EYA1: variants seen among roughly 807,000 people sequenced by gnomAD.
EYA1 encodes EYA transcriptional coactivator and phosphatase 1.
A neutral mutation model predicts 82.0 loss-of-function variants in EYA1; 16 were observed. The ratio of observed to expected loss-of-function variants is 0.20; its 90% confidence interval spans 0.13 to 0.30. EYA1 has a LOEUF of 0.30. EYA1 is among the 10% of genes least tolerant of loss of function. The pLI is 1.00. For missense variants in EYA1, 633 were observed against 730.7 expected (o/e 0.87, Z 1.54); for synonymous variants, 261 against 264.4 (o/e 0.99, Z 0.12).
At chr8:71,244,417 T>G (rs1812831732) in intron 12 of EYA1, among the ~76,000 whole-genome samples, 186 bp downstream of exon 12, 1 of 152,236 alleles carries the variant, frequency 6.6e-6, no homozygotes, top group Middle Eastern at 3.2e-3. Context: ...GATCTAACTC[T>G]GAAAATCAAC....
chr8:71,391,601 TTTTTAA>T (rs1829284797), intron 2 of EYA1, among the ~76,000 whole-genome samples: 1 of 152,062 alleles, frequency 6.6e-6, no homozygotes, highest in African/African-American at 2.4e-5. Context: ...TTTTATTTTA[TTTTTAA>T]TTTTGTTTAG....
chr8:71,312,659 A>G (rs1821473489), intron 7 of EYA1, among the ~76,000 whole-genome samples: 1 of 152,126 alleles, frequency 6.6e-6, no homozygotes, highest in Admixed American at 6.5e-5. Flanking sequence ...GCTGGTCTCA[A>G]ACTCCTGACC....
chr8:71,534,447 T>C (rs148587541), intron 2 of EYA1, among the ~76,000 whole-genome samples: 33 of 152,356 alleles, frequency 2.2e-4, no homozygotes, highest in Non-Finnish European at 4.1e-4. Context: ...TGTAATTGCA[T>C]ACAGTGTGAC....
rs146081509 is a variant in EYA1 at position 71,361,855 on chromosome 8, G to C, written c.-263C>G. ...GGGCAGGCGCCTGGCCGCTGCCGCA[G>C]GCTCGGGCTGCCGAGCGACTGAGCG... On this transcript the variant is annotated 5_prime_UTR_variant, in exon 1 of 18. Coordinates refer to ENST00000340726, the MANE Select transcript of EYA1 (RefSeq NM_000503.6). 10 of 985,454 alleles carry C rather than the reference G, an allele frequency of 1.0e-5. No individual in the cohort carries two copies. Among genetic ancestry groups the C allele is most frequent in the African/African-American group, 8.7e-5 (5 of 57,368 alleles). The allele number at this position is 985,454 out of a possible 1,614,324, so 61.0% of individuals were successfully genotyped here. A position where few individuals can be genotyped will look rare whatever the true frequency, so the allele number is the denominator to read the frequency against.
chr8:71,226,195 A>G (rs1211713092), intron 12 of EYA1, among the ~76,000 whole-genome samples: 1 of 150,546 alleles, frequency 6.6e-6, no homozygotes, highest in Non-Finnish European at 1.5e-5. Flanking sequence ...AGAAGATTGC[A>G]TGAACACATG....
chr8:71,283,030 C>A (rs1817993940), intron 9 of EYA1, among the ~76,000 whole-genome samples: 1 of 150,388 alleles, frequency 6.6e-6, no homozygotes. Flanking sequence ...CATGCTTCTG[C>A]TTAAACACTG....
intron 2 of EYA1, among the ~76,000 whole-genome samples, chr8:71,414,689 T>C (rs1830768125): frequency 6.6e-6 from 1 of 152,232 alleles, no homozygotes; most frequent in Admixed American, 6.5e-5. Context: ...GTCAAATTTT[T>C]CCACAAAGTA....
At chr8:71,294,739 T>C (rs891345114) in intron 9 of EYA1, among the ~76,000 whole-genome samples, 19 of 152,178 alleles carry the variant, frequency 1.2e-4, no homozygotes, top group Admixed American at 3.9e-4. Context: ...ACAAATTGAT[T>C]CTAAAGATTA....
At chr8:71,473,120 A>C (rs1297905464) in intron 2 of EYA1, among the ~76,000 whole-genome samples, 1 of 151,934 alleles carries the variant, frequency 6.6e-6, no homozygotes, top group East Asian at 1.9e-4. Context: ...GGGCAAATAC[A>C]ATATAATATT....
At chr8:71,532,721 A>G (rs760728455) in intron 2 of EYA1, among the ~76,000 whole-genome samples, 2 of 152,192 alleles carry the variant, frequency 1.3e-5, no homozygotes, top group Non-Finnish European at 2.9e-5. Flanking sequence ...GAAAAGGCAC[A>G]ATCCAGAATG....
intron 1 of EYA1, among the ~76,000 whole-genome samples, chr8:71,544,693 T>C (rs1050487699): frequency 6.6e-6 from 1 of 152,226 alleles, no homozygotes; most frequent in African/African-American, 2.4e-5. Flanking sequence ...GTTACTTACT[T>C]AACTTTCTGA....
chr8:71,544,868 C>T (rs1815425684), intron 1 of EYA1, among the ~76,000 whole-genome samples: 1 of 152,224 alleles, frequency 6.6e-6, no homozygotes, highest in Non-Finnish European at 1.5e-5. Context: ...GTGAAATTCT[C>T]ATCTTGCTAG....
At chr8:71,492,501 G>C (rs1254582962) in intron 2 of EYA1, among the ~76,000 whole-genome samples, 2 of 146,646 alleles carry the variant, frequency 1.4e-5, no homozygotes, top group Non-Finnish European at 3.0e-5. Context: ...GTCTCGCTCT[G>C]TTGCCCAGGC....
intron 2 of EYA1, among the ~76,000 whole-genome samples, chr8:71,473,505 A>G (rs906702806): frequency 6.6e-6 from 1 of 152,198 alleles, no homozygotes; most frequent in Admixed American, 6.5e-5. Context: ...ATGAGATACC[A>G]TCTCATGCCA....
chr8:71,215,574 A>C lies in EYA1; in HGVS notation c.1475+40T>G, dbSNP rs765996829. ...ATCTCCAAAATGAACAAGCACGAGC[A>C]TTGCCCATTTCCTGGCAAAGACCCC... is the stretch of plus-strand genomic sequence containing the variant. On this transcript the variant is annotated intron_variant, in intron 15 of 17. Transcript: ENST00000340726. The C allele has an allele frequency of 2.5e-6, 4 of 1,608,294 alleles. No homozygotes were observed. The African/African-American group carries it at 5.3e-5, about 21-fold the overall frequency.
At chr8:71,400,820 T>A (rs1181157129) in intron 2 of EYA1, among the ~76,000 whole-genome samples, 1 of 152,214 alleles carries the variant, frequency 6.6e-6, no homozygotes, top group East Asian at 1.9e-4. Context: ...CATTCTATTA[T>A]TAAGACATAT....
At position 71,317,545 on chromosome 8, in the gene EYA1, T is replaced by C. The variant is rs778783209; in HGVS notation, c.556+7A>G. The C allele has an allele frequency of 5.6e-6, 9 of 1,613,920 alleles. No individual in the cohort carries two copies. Among genetic ancestry groups the C allele is most frequent in the South Asian group, 1.1e-5 (1 of 91,080 alleles). ...GTTAAGGAAAATAGCAATGTGTATATACAGACCTTGCATCTGGTAGCTGTA... is the reference window on the plus strand; with the variant it reads ...GTTAAGGAAAATAGCAATGTGTATACACAGACCTTGCATCTGGTAGCTGTA... On this transcript the variant is annotated splice_region_variant and intron_variant, in intron 7 of 17. Coordinates refer to ENST00000340726, the MANE Select transcript of EYA1 (RefSeq NM_000503.6).
intron 2 of EYA1, among the ~76,000 whole-genome samples, chr8:71,416,509 G>A (rs1364168869): frequency 1.3e-5 from 2 of 152,104 alleles, no homozygotes; most frequent in Admixed American, 1.3e-4. Flanking sequence ...TTAAAAATAA[G>A]AGGAAAAAAA....
intron 4 of EYA1, among the ~76,000 whole-genome samples, chr8:71,323,716 G>A (rs1822841817): frequency 1.3e-5 from 2 of 152,196 alleles, no homozygotes; most frequent in Non-Finnish European, 2.9e-5. Context: ...CTCTGTTCCA[G>A]GTGCTGTGCT....
Sources: allele counts gnomAD v4.1 joint callset (sites outside exome capture counted in the v4.1 genomes callset), GRCh38; gene constraint gnomAD v4.1.1; transcripts MANE v1.5; gene names NCBI Gene and HGNC (gene_info 2026-07-23, HGNC 2026-07-21).